The following HPSE2 variants were observed in gnomAD, a reference collection of about 807,000 sequenced individuals.
HPSE2 encodes the protein inactive heparanase-2.
HPSE2 carries 38 observed loss-of-function variants against 60.5 expected under a neutral mutation model. The observed-to-expected ratio is 0.63, with a 90% CI of 0.48 to 0.82. The LOEUF (loss-of-function observed/expected upper bound fraction) is 0.82. Among genes scored for constraint, HPSE2 ranks in the 40% least tolerant of loss-of-function variants. The pLI is 0.00. For missense variants in HPSE2, 713 were observed against 740.4 expected, an observed-to-expected ratio of 0.96 and a Z score of 0.43; for synonymous variants, 295 against 293.2, an observed-to-expected ratio of 1.01 and a Z score of -0.06.
At chr10:98,549,095 T>C (rs1207885350) in intron 9 of HPSE2, among the ~76,000 whole-genome samples, 1 of 152,156 alleles carries the variant, frequency 6.6e-6, no homozygotes, top group African/African-American at 2.4e-5. Context: ...CCTCAAAATC[T>C]TTATTATCTT....
chr10:98,985,956 T>C (rs1257154118), intron 3 of HPSE2, among the ~76,000 whole-genome samples: 1 of 152,104 alleles, frequency 6.6e-6, no homozygotes, highest in Non-Finnish European at 1.5e-5. Flanking sequence ...CCTAAATATA[T>C]ATGCACCCAA....
chr10:98,617,917 T>C lies in HPSE2; in HGVS notation c.1205+2685A>G, dbSNP rs569310800. On this transcript the variant is annotated intron_variant, in intron 8 of 11. Transcript: ENST00000370552. ...GAATCCCAATTTATGCATACGTGCA[T>C]GTATATGTCCTGGTGAACTCAGAGT... 8.9e-4 allele frequency among the ~76,000 whole-genome samples: 135 copies of C among 152,344 alleles called. 2 individuals are homozygous for C. In the Middle Eastern group the frequency reaches 0.027, roughly 31 times the overall value.
At chr10:99,135,506 G>A (rs975479625) in intron 3 of HPSE2, among the ~76,000 whole-genome samples, 1 of 152,140 alleles carries the variant, frequency 6.6e-6, no homozygotes, top group African/African-American at 2.4e-5. Context: ...ATAACAAACA[G>A]TCTCTCAGAC....
chr10:98,588,236 T>C (rs191456067), intron 9 of HPSE2, among the ~76,000 whole-genome samples: 46 of 152,202 alleles, frequency 3.0e-4, no homozygotes, highest in African/African-American at 1.1e-3. Flanking sequence ...TTAGAGAGGA[T>C]TGAGGATATG....
the HPSE2 span, among the ~76,000 whole-genome samples, chr10:99,280,587 CAGTCACAGTTT>C: frequency 3.3e-5 from 5 of 152,166 alleles, no homozygotes; most frequent in Non-Finnish European, 7.3e-5. Context: ...GACAATGGAA[CAGTCACAGTTT>C]GAAGTATAAA....
At chr10:98,530,984 TG>T (rs1348382345) in intron 9 of HPSE2, among the ~76,000 whole-genome samples, 2 of 152,180 alleles carry the variant, frequency 1.3e-5, no homozygotes, top group Non-Finnish European at 2.9e-5. Flanking sequence ...CCTGCCTGCC[TG>T]GCCATTTTCT....
intron 2 of HPSE2, among the ~76,000 whole-genome samples, chr10:99,149,840 G>A (rs150614996): frequency 3.5e-4 from 52 of 149,670 alleles, no homozygotes; most frequent in African/African-American, 1.2e-3. Context: ...AACTCTAAAC[G>A]AAAAATTAAA....
At chr10:98,541,762 G>A (rs1298354850) in intron 9 of HPSE2, among the ~76,000 whole-genome samples, 1 of 152,186 alleles carries the variant, frequency 6.6e-6, no homozygotes, top group Non-Finnish European at 1.5e-5. Flanking sequence ...AGCGAGGCTG[G>A]GGGAGGGGCA....
At chr10:99,204,585 C>A (rs1052835448) in intron 2 of HPSE2, among the ~76,000 whole-genome samples, 5 of 152,094 alleles carry the variant, frequency 3.3e-5, no homozygotes, top group Admixed American at 2.6e-4. Flanking sequence ...ATGTATAAAC[C>A]GCCTGATAAA....
intron 3 of HPSE2, among the ~76,000 whole-genome samples, chr10:99,139,221 G>A (rs186972598): frequency 3.9e-5 from 6 of 152,204 alleles, no homozygotes; most frequent in Non-Finnish European, 7.3e-5. Flanking sequence ...ACTTATAAGA[G>A]AGAGCTAAGC....
chr10:99,194,524 A>AT (rs937320469), intron 2 of HPSE2, among the ~76,000 whole-genome samples: 12 of 151,286 alleles, frequency 7.9e-5, no homozygotes, highest in African/African-American at 2.9e-4. Flanking sequence ...CTTTAGCCAG[A>AT]TTAAAAAAAA....
In HPSE2 at chr10:98,957,301, T is replaced by C. The variant is rs529920622; in HGVS notation, c.610+186937A>G. Among the ~76,000 whole-genome samples, 21 of 152,278 alleles carry C rather than the reference T, an allele frequency of 1.4e-4. No individual in the cohort carries two copies. In the South Asian group the frequency reaches 4.2e-3, roughly 30 times the overall value. On this transcript the variant is annotated intron_variant, in intron 3 of 11. Transcript: ENST00000370552. ...CTACCCAAGAAATGGCACCTCTTTG[T>C]AAGTCCCTATTAAATGTTTCTTTCT...
At chr10:98,829,927 T>C (rs890484304) in intron 3 of HPSE2, among the ~76,000 whole-genome samples, 7 of 152,200 alleles carry the variant, frequency 4.6e-5, no homozygotes, top group Admixed American at 6.5e-5. Context: ...CTGTGTTACA[T>C]AGGTATATGT....
At chr10:99,089,915 T>C (rs930051105) in intron 3 of HPSE2, among the ~76,000 whole-genome samples, 2 of 152,158 alleles carry the variant, frequency 1.3e-5, no homozygotes, top group Non-Finnish European at 1.5e-5. Flanking sequence ...TATTCTTAAG[T>C]ATTTTATTTT....
At chr10:99,262,034 C>G in the HPSE2 span, among the ~76,000 whole-genome samples, 1 of 152,310 alleles carries the variant, frequency 6.6e-6, no homozygotes, top group South Asian at 2.1e-4. Flanking sequence ...CTGACTCCTT[C>G]CCAGATCTTC....
intron 3 of HPSE2, chr10:99,048,334 G>A: frequency 2.7e-6 from 1 of 368,062 alleles, no homozygotes. Flanking sequence ...TTCTAAGCTG[G>A]TCAGTTAATA....
intron 3 of HPSE2, among the ~76,000 whole-genome samples, chr10:98,959,981 C>T (rs933713804): frequency 6.6e-6 from 1 of 152,078 alleles, no homozygotes; most frequent in Non-Finnish European, 1.5e-5. Flanking sequence ...TCAGATTCTG[C>T]CAGTCAAAAG....
At chr10:98,651,781 T>C (rs887461626) in intron 6 of HPSE2, among the ~76,000 whole-genome samples, 15 of 151,898 alleles carry the variant, frequency 9.9e-5, no homozygotes, top group Non-Finnish European at 1.5e-4. Flanking sequence ...TCCTTTTTTT[T>C]TTTTTTCTTG....
chr10:98,667,796 A>G (rs1444655878), intron 6 of HPSE2, among the ~76,000 whole-genome samples: 1 of 152,206 alleles, frequency 6.6e-6, no homozygotes, highest in African/African-American at 2.4e-5. Context: ...AATAAAAGCC[A>G]TCTATGACAA....
Sources: gnomAD v4.1 joint callset for allele counts (sites outside exome capture counted in the v4.1 genomes callset) on GRCh38, gnomAD v4.1.1 for gene constraint, MANE v1.5 for transcripts, NCBI Gene and HGNC (gene_info 2026-07-23, HGNC 2026-07-21) for gene names.